KSR2: variants seen among roughly 807,000 people sequenced by gnomAD.
KSR2 encodes the protein kinase suppressor of ras 2.
A neutral mutation model predicts 107.8 loss-of-function variants in KSR2; 25 were observed. The observed-to-expected ratio is 0.23, with a 90% CI of 0.17 to 0.32. KSR2 has a LOEUF of 0.32. Among genes scored for constraint, KSR2 ranks in the 10% least tolerant of loss-of-function variants. The pLI, the probability that KSR2 is intolerant of heterozygous loss-of-function variation, is 1.00. For missense variants in KSR2, 887 were observed against 1,268.9 expected, an observed-to-expected ratio of 0.70 and a Z score of 4.57; for synonymous variants, 480 against 507.0, an observed-to-expected ratio of 0.95 and a Z score of 0.71.
chr12:117,483,969 A>G (rs1166484558), intron 16 of KSR2, among the ~76,000 whole-genome samples: 1 of 152,220 alleles, frequency 6.6e-6, no homozygotes, highest in Admixed American at 6.5e-5. Flanking sequence ...GTCGCATTTA[A>G]TAAGTGGAAG....
At chr12:117,936,678 C>T (rs1593384424) in intron 1 of KSR2, among the ~76,000 whole-genome samples, 2 of 152,174 alleles carry the variant, frequency 1.3e-5, no homozygotes, top group South Asian at 2.1e-4. Flanking sequence ...AGCCGCTGTG[C>T]CTGGCCAGCT....
intron 16 of KSR2, among the ~76,000 whole-genome samples, chr12:117,483,674 G>A (rs753185643): frequency 3.3e-5 from 5 of 152,150 alleles, no homozygotes; most frequent in Admixed American, 6.5e-5. Context: ...AACTCAATGC[G>A]GCTTGCTCTA....
At chr12:117,565,791 T>C (rs1878447213) in intron 7 of KSR2, among the ~76,000 whole-genome samples, 1 of 152,222 alleles carries the variant, frequency 6.6e-6, no homozygotes, top group Non-Finnish European at 1.5e-5. Flanking sequence ...TAAATCCTCA[T>C]TGATGTGGCC....
chr12:117,777,471 T>C (rs1889736503), intron 3 of KSR2, among the ~76,000 whole-genome samples: 1 of 152,244 alleles, frequency 6.6e-6, no homozygotes, highest in African/African-American at 2.4e-5. Context: ...GAGGGCAGAA[T>C]GCTGCCCTGT....
chr12:117,635,572 T>C (rs770551427), intron 5 of KSR2, among the ~76,000 whole-genome samples: 7 of 152,198 alleles, frequency 4.6e-5, no homozygotes, highest in Admixed American at 1.3e-4. Flanking sequence ...AAGTAAGTGA[T>C]GGGTTTAAGG....
At chr12:117,782,565 A>G (rs1889923832) in intron 3 of KSR2, among the ~76,000 whole-genome samples, 1 of 152,178 alleles carries the variant, frequency 6.6e-6, no homozygotes, top group Admixed American at 6.5e-5. Flanking sequence ...GTACCCAACC[A>G]GAAACAAATA....
rs559675072 is a variant in KSR2, at chr12:117,693,807, C to A, written c.987-26149G>T. Among the ~76,000 whole-genome samples the A allele has an allele frequency of 4.6e-5, 7 of 152,260 alleles. No individual in the cohort carries two copies. The East Asian group carries it at 1.4e-3, about 29-fold the overall frequency. ...TCCCCACTGACAGATGGTATACCTG[C>A]GGCTCACAGGGGAGACTCATTTATC... On this transcript the variant is annotated intron_variant, in intron 4 of 19. Coordinates refer to ENST00000339824, the MANE Select transcript of KSR2 (RefSeq NM_173598.6).
intron 5 of KSR2, among the ~76,000 whole-genome samples, chr12:117,630,303 G>T (rs1302949939): frequency 6.6e-6 from 1 of 152,172 alleles, no homozygotes; most frequent in Admixed American, 6.5e-5. Context: ...AAAAGCCCTG[G>T]GGTTGAAGAC....
chr12:117,604,638 T>C (rs372846129), intron 5 of KSR2, among the ~76,000 whole-genome samples: 1 of 152,150 alleles, frequency 6.6e-6, no homozygotes, highest in Admixed American at 6.5e-5. Context: ...CCCACAGTTT[T>C]CCTAATTTTT....
Position 117,968,083 on chromosome 12 carries a change from G to T in KSR2, c.173C>A (p.Thr58Asn). The T allele has an allele frequency of 6.5e-7, 1 of 1,538,276 alleles. No homozygotes were observed. The highest frequency in any genetic ancestry group is 8.8e-7 in the Non-Finnish European group (1 of 1,130,270). The change falls in exon 1 of 20, where the codon ACC becomes AAC. Residue 58 changes from threonine to asparagine, a missense_variant. Physicochemically the swap from Thr to Asn is moderately conservative, Grantham distance 65. Transcript: ENST00000339824. ...SNDLTQKEIRTLESKLVKYFS... is the reference protein window; with the variant it reads ...SNDLTQKEIRNLESKLVKYFS... The stretch of plus-strand genomic sequence containing the variant: ...CCCGTAGGCAACACCTACCTCCAGG[G>T]TCCGGATTTCTTTTTGTGTGAGGTC...
chr12:117,555,090 A>C, intron 9 of KSR2, 79 bp downstream of exon 9: 7 of 1,579,306 alleles, frequency 4.4e-6, no homozygotes, highest in Non-Finnish European at 6.1e-6. Context: ...ATACTCCCAG[A>C]TCAACCCTTC....
intron 3 of KSR2, among the ~76,000 whole-genome samples, chr12:117,785,108 T>A (rs976203132): frequency 6.6e-6 from 1 of 152,112 alleles, no homozygotes; most frequent in Admixed American, 6.6e-5. Context: ...TCCTGACCAA[T>A]TTTCAAACGC....
chr12:117,868,518 A>G (rs769046169), intron 1 of KSR2, among the ~76,000 whole-genome samples: 4 of 152,104 alleles, frequency 2.6e-5, no homozygotes, highest in East Asian at 1.9e-4. Context: ...AAGGTCACAC[A>G]TGCATTATTT....
chr12:117,781,707 A>T (rs1593230207), intron 3 of KSR2, among the ~76,000 whole-genome samples: 3 of 152,206 alleles, frequency 2.0e-5, no homozygotes, highest in South Asian at 4.1e-4. Context: ...CAAAATTTAC[A>T]CCAATAAATA....
intron 3 of KSR2, among the ~76,000 whole-genome samples, chr12:117,854,474 G>A (rs758873104): frequency 1.3e-5 from 2 of 152,198 alleles, no homozygotes; most frequent in Non-Finnish European, 2.9e-5. Flanking sequence ...ACTCAGATTA[G>A]AAGACTTCTC....
chr12:117,900,663 C>T (rs992550563), intron 1 of KSR2, among the ~76,000 whole-genome samples: 6 of 152,152 alleles, frequency 3.9e-5, no homozygotes, highest in Admixed American at 1.3e-4. Context: ...CAACTTGTAA[C>T]CCACTGCTTT....
chr12:117,818,336 C>G (rs980547264), intron 3 of KSR2, among the ~76,000 whole-genome samples: 1 of 152,128 alleles, frequency 6.6e-6, no homozygotes, highest in African/African-American at 2.4e-5. Context: ...AGGCTACAAC[C>G]AAGGACTCTG....
At chr12:117,569,568 G>A (rs1424356848) in intron 7 of KSR2, among the ~76,000 whole-genome samples, 1 of 152,148 alleles carries the variant, frequency 6.6e-6, no homozygotes, top group Non-Finnish European at 1.5e-5. Context: ...ACAGAAGTGG[G>A]CAGTAACCTC....
At chr12:117,531,910 A>G (rs542949218) in intron 10 of KSR2, among the ~76,000 whole-genome samples, 2 of 152,266 alleles carry the variant, frequency 1.3e-5, no homozygotes, top group South Asian at 2.1e-4. Context: ...CGACCCTCCC[A>G]TCTGACATCT....
Sources: allele counts gnomAD v4.1 joint callset (sites outside exome capture counted in the v4.1 genomes callset), GRCh38; gene constraint gnomAD v4.1.1; transcripts MANE v1.5; gene names NCBI Gene and HGNC (gene_info 2026-07-23, HGNC 2026-07-21).